Variants in IMPG1 observed in about 807,000 individuals in gnomAD.
The protein encoded by IMPG1 is interphotoreceptor matrix proteoglycan 1.
IMPG1 carries 85 observed loss-of-function variants against 92.0 expected under a neutral mutation model. The ratio of observed to expected loss-of-function variants is 0.92; its 90% CI spans 0.78 to 1.11. The LOEUF is 1.11. Ranked by LOEUF, IMPG1 falls within the 50% of genes least tolerant of loss-of-function variation. The pLI is 0.00. For missense variants in IMPG1, 1,022 were observed against 956.0 expected, an observed-to-expected ratio of 1.07 and a Z score of -0.91; for synonymous variants, 367 against 334.1, an observed-to-expected ratio of 1.10 and a Z score of -1.08.
rs903049977 is a variant in IMPG1 at position 75,929,983 on chromosome 6, GA to G, written c.2243+969del. ...TTAATGAATGTATGAGTTTGTGTTT[GA>G]AAAAAAAATTAGGATGTTTGTCTTT... is the stretch of plus-strand genomic sequence containing the variant. On this transcript the variant is annotated intron_variant, in intron 15 of 16. Transcript: ENST00000369950. Among the ~76,000 whole-genome samples, 3 of 151,072 alleles carry G rather than the reference GA, an allele frequency of 2.0e-5. No homozygotes were observed. In the South Asian group the frequency reaches 6.3e-4, roughly 31 times the overall value.
intron 4 of IMPG1, among the ~76,000 whole-genome samples, chr6:76,026,619 G>T (rs1416046136): frequency 6.6e-6 from 1 of 152,248 alleles, no homozygotes; most frequent in Admixed American, 6.5e-5. Flanking sequence ...TGGACAAAGG[G>T]TTCAGCTCCA....
chr6:76,043,882 T>C (rs1783888659), intron 1 of IMPG1, among the ~76,000 whole-genome samples: 1 of 152,218 alleles, frequency 6.6e-6, no homozygotes, highest in South Asian at 2.1e-4. Flanking sequence ...CCCCTGATGA[T>C]GGCCAGCAGC....
At chr6:76,022,687 C>T (rs1259833304) in intron 5 of IMPG1, among the ~76,000 whole-genome samples, 1 of 152,254 alleles carries the variant, frequency 6.6e-6, no homozygotes, top group East Asian at 1.9e-4. Context: ...AATTTCACTT[C>T]TTTTAGAACA....
chr6:76,049,402 T>C (rs937709502), intron 1 of IMPG1, among the ~76,000 whole-genome samples: 2 of 152,202 alleles, frequency 1.3e-5, no homozygotes, highest in African/African-American at 4.8e-5. Flanking sequence ...AAGGTCCTAG[T>C]GAGTGAAGAT....
chr6:75,938,816 C>CAA (rs1227901153), intron 14 of IMPG1, among the ~76,000 whole-genome samples: 1 of 142,882 alleles, frequency 7.0e-6, no homozygotes, highest in Non-Finnish European at 1.5e-5. Context: ...CATCTCAAAA[C>CAA]AAAACAAAAC....
chr6:75,956,864 C>T (rs1041829017), intron 12 of IMPG1, among the ~76,000 whole-genome samples: 1 of 152,100 alleles, frequency 6.6e-6, no homozygotes, highest in South Asian at 2.1e-4. Flanking sequence ...AGTAGTCATT[C>T]AAGGAGCAGG....
intron 12 of IMPG1, among the ~76,000 whole-genome samples, chr6:75,984,086 G>A (rs1175068850): frequency 3.3e-5 from 5 of 152,114 alleles, no homozygotes; most frequent in African/African-American, 1.2e-4. Flanking sequence ...GGTGAGATGC[G>A]GAGAAAGGGG....
chr6:75,956,851 C>T (rs1442866580), intron 12 of IMPG1, among the ~76,000 whole-genome samples: 3 of 152,086 alleles, frequency 2.0e-5, no homozygotes, highest in Non-Finnish European at 2.9e-5. Context: ...TTGTTATTTA[C>T]CCAGTAGTCA....
At chr6:76,036,177 G>A (rs1582121273) in intron 2 of IMPG1, among the ~76,000 whole-genome samples, 1 of 152,198 alleles carries the variant, frequency 6.6e-6, no homozygotes, top group East Asian at 1.9e-4. Flanking sequence ...CTGAAACTAA[G>A]TAAAATAATA....
chr6:76,024,979 G>T, intron 5 of IMPG1: 1 of 599,470 alleles, frequency 1.7e-6, no homozygotes, highest in African/African-American at 1.8e-5. Flanking sequence ...CAAACTGTAA[G>T]ATATTGAATG....
chr6:76,018,720 G>C lies in IMPG1; in HGVS notation c.805C>G (p.Gln269Glu), dbSNP rs779243802. The change falls in exon 7 of 17, where the codon CAG (glutamine) becomes GAG (glutamate). Residue 269 changes from glutamine (Q) to glutamate (E), a missense_variant and splice_region_variant. Physicochemically the swap from Gln to Glu is conservative, Grantham distance 29. Around this residue, in one of 3 missense-constraint regions of IMPG1, gnomAD observed 681 missense variants for 583.6 expected, o/e 1.17. Transcript: ENST00000369950. The part of the protein sequence containing the change: ...YQELAGKSQL[Q>E]MQKIFKKLPG... ...TTGTATGGGCCGGGTCTACTCACCT[G>C]AAGTTGGGACTTTCCTGCTAGCTCC... 6.2e-7 allele frequency: 1 copy of C among 1,613,154 alleles called. No homozygotes were observed. The highest frequency in any genetic ancestry group is 2.2e-5 in the East Asian group (1 of 44,838).
At chr6:75,944,991 A>G (rs1440553321) in intron 14 of IMPG1, among the ~76,000 whole-genome samples, 1 of 152,208 alleles carries the variant, frequency 6.6e-6, no homozygotes, top group African/African-American at 2.4e-5. Flanking sequence ...ATTCTTAGGT[A>G]GCTCAGCATA....
At chr6:75,941,905 G>A (rs1479162823) in intron 14 of IMPG1, among the ~76,000 whole-genome samples, 1 of 152,122 alleles carries the variant, frequency 6.6e-6, no homozygotes, top group East Asian at 1.9e-4. Flanking sequence ...CATTTTGAGG[G>A]TGATTCTTTG....
At chr6:76,035,109 A>T (rs1210855326) in intron 2 of IMPG1, among the ~76,000 whole-genome samples, 1 of 152,122 alleles carries the variant, frequency 6.6e-6, no homozygotes, top group East Asian at 1.9e-4. Flanking sequence ...TGGGAAAAGT[A>T]AAGTCTCCCA....
intron 12 of IMPG1, 32 bp from the exon 13 acceptor site, chr6:75,951,126 A>G (rs1263281738): frequency 2.7e-6 from 4 of 1,491,952 alleles, no homozygotes; most frequent in Non-Finnish European, 3.6e-6. Context: ...ATTATGTCCA[A>G]GTATTCCCCA....
At chr6:76,053,230 A>C (rs1001307086) in intron 1 of IMPG1, among the ~76,000 whole-genome samples, 4 of 152,214 alleles carry the variant, frequency 2.6e-5, no homozygotes, top group African/African-American at 7.2e-5. Context: ...GTACAAGTAA[A>C]TCTGAGATTG....
chr6:76,000,828 T>C (rs1162471858), intron 12 of IMPG1, among the ~76,000 whole-genome samples: 1 of 152,230 alleles, frequency 6.6e-6, no homozygotes. Flanking sequence ...CTCAGAAGCC[T>C]AGACAATTTA....
chr6:75,996,586 A>T (rs1297912948), intron 12 of IMPG1, among the ~76,000 whole-genome samples: 1 of 152,144 alleles, frequency 6.6e-6, no homozygotes, highest in East Asian at 1.9e-4. Context: ...GCAGCCTGGA[A>T]AAAGGGTGGT....
intron 4 of IMPG1, among the ~76,000 whole-genome samples, chr6:76,029,672 C>A (rs921497806): frequency 5.3e-5 from 8 of 151,652 alleles, no homozygotes; most frequent in Non-Finnish European, 1.2e-4. Context: ...AATTATCCTG[C>A]AAATCCTGCC....
Sources: gnomAD v4.1 joint callset for allele counts (sites outside exome capture counted in the v4.1 genomes callset) on GRCh38, gnomAD v4.1.1 for gene constraint, gnomAD v4.1.1 regional missense constraint, MANE v1.5 for transcripts, NCBI Gene and HGNC (gene_info 2026-07-23, HGNC 2026-07-21) for gene names.